Variants in ATG2B observed in about 807,000 individuals in gnomAD.
ATG2B encodes the protein autophagy related 2B, also known as autophagy-related protein 2 homolog B.
Under a neutral mutation model 241.3 loss-of-function variants are expected in ATG2B, and 121 were observed. The ratio of observed to expected loss-of-function variants is 0.50; its 90% CI spans 0.43 to 0.58. The LOEUF is 0.58. Ranked by LOEUF, ATG2B falls within the 20% of genes least tolerant of loss-of-function variation. ATG2B has a pLI of 0.00. For missense variants in ATG2B, 2,306 were observed against 2,491.6 expected, an observed-to-expected ratio of 0.93 and a Z score of 1.59; for synonymous variants, 858 against 876.6, an observed-to-expected ratio of 0.98 and a Z score of 0.37.
chr14:96,354,715 T>C (rs964833159), intron 1 of ATG2B, among the ~76,000 whole-genome samples: 13 of 152,256 alleles, frequency 8.5e-5, no homozygotes, highest in African/African-American at 2.9e-4. Context: ...TCCATAATGG[T>C]TAAACTAATT....
chr14:96,334,235 C>T (rs1203124273), intron 7 of ATG2B, among the ~76,000 whole-genome samples, 170 bp downstream of exon 7: 6 of 152,138 alleles, frequency 3.9e-5, no homozygotes, highest in Non-Finnish European at 8.8e-5. Context: ...CCCATGGTAA[C>T]ACATTCAAAA....
At position 96,308,237 on chromosome 14, in the gene ATG2B, T is replaced by A. The variant is rs1478342795; in HGVS notation, c.4303+1216A>T. 1.1e-4 allele frequency among the ~76,000 whole-genome samples: 2 copies of A among 17,498 alleles called. 1 individual carries two copies. Among genetic ancestry groups the A allele is most frequent in the Non-Finnish European group, 2.6e-4 (2 of 7,638 alleles). 11.5% of individuals were successfully genotyped at this position (17,498 alleles called of 152,430 possible). On this transcript the variant is annotated intron_variant, in intron 29 of 41. Coordinates refer to ENST00000359933, the MANE Select transcript of ATG2B (RefSeq NM_018036.7). ...ATACATAAATATATATATACATATA[T>A]ATATATATATATATACACACATATA...
At chr14:96,299,610 C>A (rs1886736454) in intron 34 of ATG2B, among the ~76,000 whole-genome samples, 1 of 152,102 alleles carries the variant, frequency 6.6e-6, no homozygotes, top group African/African-American at 2.4e-5. Context: ...GGAAATCCGG[C>A]CCCCTTCCTA....
In ATG2B at chr14:96,329,577, T is replaced by G. The variant is rs1455356959; in HGVS notation, c.1788A>C (p.Arg596=). ...CAATGGACATATCAGTACTAAAATA[T>G]CGGGAAGCTGATCTTTGTCTTTGTT... The part of the protein sequence containing the change: ...SYEQRQRSAS[R]YFSTDMSIGQ... Residue 596 remains arginine, a synonymous_variant, in exon 12 of 42, where the codon CGA becomes CGC. Transcript: ENST00000359933. 6.2e-7 allele frequency: 1 copy of G among 1,611,362 alleles called. No homozygotes were observed. The highest frequency in any genetic ancestry group is 8.5e-7 in the Non-Finnish European group (1 of 1,177,812).
chr14:96,304,702 G>A, intron 31 of ATG2B, 99 bp from the exon 32 acceptor site: 1 of 938,664 alleles, frequency 1.1e-6, no homozygotes, highest in Non-Finnish European at 1.6e-6. Context: ...GAAAGACAAA[G>A]TAAGAGTACA....
chr14:96,322,369 T>C, intron 17 of ATG2B, 115 bp from the exon 18 acceptor site: 3 of 1,367,012 alleles, frequency 2.2e-6, no homozygotes, highest in South Asian at 1.4e-5. Flanking sequence ...GCATGAAACA[T>C]TTAACTAGAG....
At chr14:96,313,198 G>T (rs1191880542) in intron 24 of ATG2B, 41 bp from the exon 25 acceptor site, 2 of 1,470,262 alleles carry the variant, frequency 1.4e-6, no homozygotes, top group Non-Finnish European at 1.9e-6. Flanking sequence ...GTTTGATACG[G>T]CTCCAGAAAC....
intron 1 of ATG2B, among the ~76,000 whole-genome samples, chr14:96,352,801 AAG>A (rs1413130903): frequency 6.6e-6 from 1 of 152,024 alleles, no homozygotes; most frequent in Admixed American, 6.6e-5. Context: ...TGAAAAAAAA[AAG>A]ATGTCTTTAT....
At chr14:96,358,351 C>T (rs923452944) in intron 1 of ATG2B, among the ~76,000 whole-genome samples, 3 of 152,026 alleles carry the variant, frequency 2.0e-5, no homozygotes, top group Non-Finnish European at 4.4e-5. Flanking sequence ...ATTGGAGGAT[C>T]GCTTGAACCC....
intron 1 of ATG2B, among the ~76,000 whole-genome samples, chr14:96,352,259 G>A (rs768518168): frequency 7.9e-5 from 12 of 152,046 alleles, no homozygotes; most frequent in Non-Finnish European, 1.6e-4. Context: ...CATAAGTCTA[G>A]CACAAACAGT....
chr14:96,295,200 G>A, intron 35 of ATG2B, 33 bp from the exon 36 acceptor site: 2 of 1,532,348 alleles, frequency 1.3e-6, no homozygotes, highest in Non-Finnish European at 1.8e-6. Context: ...TGAAAAATTA[G>A]ATATGCTTCT....
At chr14:96,338,410 T>G (rs1361310416) in intron 6 of ATG2B, among the ~76,000 whole-genome samples, 1 of 152,162 alleles carries the variant, frequency 6.6e-6, no homozygotes, top group Non-Finnish European at 1.5e-5. Context: ...CAGTATGATG[T>G]TGGTTGTAAG....
chr14:96,318,929 G>A (rs892458560), intron 18 of ATG2B, among the ~76,000 whole-genome samples: 1 of 152,226 alleles, frequency 6.6e-6, no homozygotes, highest in African/African-American at 2.4e-5. Context: ...CCGCCCAAGA[G>A]AGGGACTTGT....
At chr14:96,357,434 G>A (rs139165225) in intron 1 of ATG2B, among the ~76,000 whole-genome samples, 2 of 152,062 alleles carry the variant, frequency 1.3e-5, no homozygotes, top group East Asian at 1.9e-4. Context: ...CTTCCTATAC[G>A]TATATTCCCA....
Position 96,317,766 on chromosome 14 carries a change from A to G in ATG2B, c.2969T>C (p.Val990Ala). Residue 990 changes from valine to alanine, a missense_variant, in exon 19 of 42, where the codon GTA (valine) becomes GCA (alanine). Coordinates refer to ENST00000359933, the MANE Select transcript of ATG2B (RefSeq NM_018036.7). ...GAAAGTATTAATGAGCTGACTGGCT[A>G]CTGAAAGCCCAATGCCATAGGAAAT... Reference protein sequence around the residue: ...ENISYGIGLSVASQLINTFNK... With the variant: ...ENISYGIGLSAASQLINTFNK... The G allele has an allele frequency of 6.2e-7, 1 of 1,613,468 alleles. No individual in the cohort carries two copies. The highest frequency in any genetic ancestry group is 8.5e-7 in the Non-Finnish European group (1 of 1,179,534).
chr14:96,301,367 C>T (rs1167310296), intron 34 of ATG2B, among the ~76,000 whole-genome samples: 1 of 152,280 alleles, frequency 6.6e-6, no homozygotes, highest in South Asian at 2.1e-4. Flanking sequence ...CCATGCTTCT[C>T]GCCATTCTAT....
At position 96,324,027 on chromosome 14, in the gene ATG2B, G is replaced by A. The variant is rs769363108; in HGVS notation, c.2438-29C>T. Reference sequence around the variant, plus strand: ...AAAAAAAAGACTGATTTACTGAAATGTGCTTCTTCTCAAGTACTAAAAGAA... The same window carrying A: ...AAAAAAAAGACTGATTTACTGAAATATGCTTCTTCTCAAGTACTAAAAGAA... On this transcript the variant is annotated intron_variant, in intron 15 of 41. Transcript: ENST00000359933. The A allele has an allele frequency of 4.1e-6, 6 of 1,454,372 alleles. No homozygotes were observed. The Admixed American group carries it at 1.2e-4, about 29-fold the overall frequency. 90.1% of individuals were successfully genotyped at this position (1,454,372 alleles called of 1,614,324 possible).
In ATG2B at chr14:96,345,229, A is replaced by G. The variant is rs778594908; in HGVS notation, c.478+4T>C. 6.2e-7 allele frequency: 1 copy of G among 1,608,396 alleles called. No homozygotes were observed. Among genetic ancestry groups the G allele is most frequent in the East Asian group, 2.2e-5 (1 of 44,696 alleles). Reference sequence around the variant, plus strand: ...ATTTTTGAAAATTCTCAGTAACACCAAACCTGTTTCAATGGTTTCAGCAAA... The same window carrying G: ...ATTTTTGAAAATTCTCAGTAACACCGAACCTGTTTCAATGGTTTCAGCAAA... On this transcript the variant is annotated splice_donor_region_variant and intron_variant, in intron 3 of 41. Coordinates refer to ENST00000359933, the MANE Select transcript of ATG2B (RefSeq NM_018036.7).
chr14:96,326,795 A>G (rs1297970285), intron 14 of ATG2B, among the ~76,000 whole-genome samples: 1 of 152,118 alleles, frequency 6.6e-6, no homozygotes, highest in African/African-American at 2.4e-5. Context: ...CCTGGGCTCA[A>G]GCAATCCTCC....
Sources: allele counts gnomAD v4.1 joint callset (sites outside exome capture counted in the v4.1 genomes callset), GRCh38; gene constraint gnomAD v4.1.1; transcripts MANE v1.5; gene names NCBI Gene and HGNC (gene_info 2026-07-23, HGNC 2026-07-21).